The following CEP85L variants were observed in gnomAD, a reference collection of about 807,000 sequenced individuals.
CEP85L encodes the protein centrosomal protein 85L, also known as centrosomal protein of 85 kDa-like.
In CEP85L, 60 loss-of-function variants were observed where a neutral mutation model predicts 100.3. The ratio of observed to expected loss-of-function variants is 0.60; its 90% CI spans 0.49 to 0.74. The LOEUF (loss-of-function observed/expected upper bound fraction) is 0.74, where lower values mean the gene tolerates loss of function less well. CEP85L is among the 30% of genes least tolerant of loss of function. The pLI is 0.00. For synonymous variants in CEP85L, 319 were observed against 322.7 expected (o/e 0.99, Z 0.12); for missense variants, 973 against 936.2 (o/e 1.04, Z -0.51).
intron 1 of CEP85L, among the ~76,000 whole-genome samples, chr6:118,674,075 G>T (rs900595795): frequency 1.3e-5 from 2 of 152,156 alleles, no homozygotes; most frequent in African/African-American, 2.4e-5. Flanking sequence ...GAGAACAGGG[G>T]CATAAATATT....
intron 7 of CEP85L, 149 bp downstream of exon 7, chr6:118,483,557 C>A (rs1360294571): frequency 4.7e-6 from 3 of 644,978 alleles, no homozygotes; most frequent in Non-Finnish European, 8.0e-6. Context: ...TCTACTTATG[C>A]ATGCTTAGAT....
At chr6:118,523,077 T>A (rs1407967098) in intron 4 of CEP85L, among the ~76,000 whole-genome samples, 3 of 152,178 alleles carry the variant, frequency 2.0e-5, no homozygotes, top group East Asian at 3.9e-4. Flanking sequence ...TATGCAAGCA[T>A]ATGAAAATAA....
chr6:118,552,539 T>C (rs1392029501), intron 3 of CEP85L, among the ~76,000 whole-genome samples: 1 of 151,974 alleles, frequency 6.6e-6, no homozygotes, highest in African/African-American at 2.4e-5. Flanking sequence ...TATAGTAGCT[T>C]CCACCAAACA....
At chr6:118,672,161 T>C (rs1410419407) in intron 1 of CEP85L, among the ~76,000 whole-genome samples, 1 of 152,012 alleles carries the variant, frequency 6.6e-6, no homozygotes, top group Admixed American at 6.6e-5. Flanking sequence ...CTCAGCCTCC[T>C]GAGTAGCTGT....
intron 7 of CEP85L, among the ~76,000 whole-genome samples, chr6:118,482,967 G>C (rs1582882407): frequency 6.6e-6 from 1 of 152,138 alleles, no homozygotes; most frequent in East Asian, 1.9e-4. Context: ...TTTGGGTTTG[G>C]GATAAACGAG....
At chr6:118,556,116 G>A (rs1394491156) in intron 3 of CEP85L, among the ~76,000 whole-genome samples, 1 of 152,034 alleles carries the variant, frequency 6.6e-6, no homozygotes, top group Admixed American at 6.6e-5. Context: ...AATATTCATG[G>A]GTGTATGTCT....
intron 2 of CEP85L, among the ~76,000 whole-genome samples, chr6:118,577,466 A>G (rs1269761407): frequency 2.0e-5 from 3 of 152,238 alleles, no homozygotes; most frequent in Non-Finnish European, 4.4e-5. Flanking sequence ...AAGGGGTGCC[A>G]AATGAATTTA....
In CEP85L at chr6:118,465,445, C is replaced by A; in HGVS notation, c.2378G>T (p.Arg793Leu). 6.2e-7 allele frequency: 1 copy of A among 1,613,426 alleles called. No individual in the cohort carries two copies. Among genetic ancestry groups the A allele is most frequent in the South Asian group, 1.1e-5 (1 of 91,054 alleles). ...GTTGTCTCCCATGTCCTGAGCATAG[C>A]GGTCTGATATTGTAGTCCTTAATTC... ...IDELRTTISD[R>L]YAQDMGDNCI... The change falls in exon 13 of 13, where the codon CGC becomes CTC. Residue 793 changes from arginine (R) to leucine (L), a missense_variant. Physicochemically the swap from Arg to Leu is moderately radical, Grantham distance 102. Transcript: ENST00000368491.
chr6:118,469,130 A>C lies in CEP85L; in HGVS notation c.2196T>G (p.Ile732Met), dbSNP rs1772749420. ...CLFDLKALCS[I>M]LNQRAQGKEP... ...CCTTGCCCTGAGCACGCTGATTAAG[A>C]ATACTACACAATGCTTTCAAGTCAA... is the stretch of plus-strand genomic sequence containing the variant. Residue 732 changes from isoleucine to methionine, a missense_variant, in exon 12 of 13, where the codon ATT (isoleucine) becomes ATG (methionine). This residue lies in a region of CEP85L where 890 missense variants were observed against 844.5 expected (regional missense o/e 1.05). Transcript: ENST00000368491. 6.2e-7 allele frequency: 1 copy of C among 1,613,922 alleles called. No individual in the cohort carries two copies. The highest frequency in any genetic ancestry group is 1.1e-5 in the South Asian group (1 of 91,082).
At chr6:118,551,434 T>C (rs903832539) in intron 3 of CEP85L, among the ~76,000 whole-genome samples, 2 of 151,950 alleles carry the variant, frequency 1.3e-5, no homozygotes, top group African/African-American at 4.8e-5. Context: ...CCTCCCCATA[T>C]TCTCTTCCCC....
intron 1 of CEP85L, among the ~76,000 whole-genome samples, chr6:118,640,357 C>T (rs905295200): frequency 3.0e-5 from 4 of 133,718 alleles, no homozygotes; most frequent in Non-Finnish European, 5.0e-5. Context: ...CACTGTGAAA[C>T]CAGGCTACCT....
intron 1 of CEP85L, among the ~76,000 whole-genome samples, chr6:118,676,976 C>T (rs971926752): frequency 4.0e-5 from 6 of 151,892 alleles, no homozygotes; most frequent in Non-Finnish European, 8.8e-5. Flanking sequence ...TCTCTGTTGA[C>T]GATATGTATG....
intron 5 of CEP85L, among the ~76,000 whole-genome samples, chr6:118,509,787 T>G (rs1367698929): frequency 6.6e-6 from 1 of 152,070 alleles, no homozygotes; most frequent in African/African-American, 2.4e-5. Flanking sequence ...AACAGTCTTT[T>G]TCTTTGGGAA....
chr6:118,614,865 C>CAGACAGACAGATAGATAGATAGAT (rs781072805), intron 2 of CEP85L, among the ~76,000 whole-genome samples: 7 of 149,974 alleles, frequency 4.7e-5, no homozygotes, highest in Admixed American at 6.7e-5. Context: ...GACAGACAGA[C>CAGACAGACAGATAGATAGATAGAT]AGATAGATAG....
At chr6:118,688,312 T>G (rs1776907684) in intron 1 of CEP85L, among the ~76,000 whole-genome samples, 1 of 152,214 alleles carries the variant, frequency 6.6e-6, no homozygotes, top group Non-Finnish European at 1.5e-5. Context: ...TCTGTTTTAT[T>G]TTTAACTGAA....
intron 10 of CEP85L, among the ~76,000 whole-genome samples, chr6:118,473,448 C>A (rs1480020080): frequency 6.6e-6 from 1 of 151,822 alleles, no homozygotes; most frequent in Non-Finnish European, 1.5e-5. Context: ...TGAGAAAAAG[C>A]AAGAGAGCCA....
intron 5 of CEP85L, among the ~76,000 whole-genome samples, chr6:118,510,304 T>C (rs1302560161): frequency 4.6e-5 from 7 of 151,994 alleles, no homozygotes; most frequent in Middle Eastern, 3.4e-3. Flanking sequence ...TGAGACAAAA[T>C]TGGAAAATTT....
chr6:118,653,205 CA>C (rs563078957), upstream of CEP85L, among the ~76,000 whole-genome samples: 3 of 151,940 alleles, frequency 2.0e-5, no homozygotes, highest in African/African-American at 7.2e-5. Context: ...CTACTACACA[CA>C]AAAAAAGTAC....
At chr6:118,636,184 T>C (rs1288100059) in intron 1 of CEP85L, among the ~76,000 whole-genome samples, 1 of 152,210 alleles carries the variant, frequency 6.6e-6, no homozygotes, top group African/African-American at 2.4e-5. Flanking sequence ...TGCAGACTCC[T>C]GAGATGTGGT....
Sources: allele counts gnomAD v4.1 joint callset (sites outside exome capture counted in the v4.1 genomes callset), GRCh38; gene constraint gnomAD v4.1.1; regional missense constraint gnomAD v4.1.1; transcripts MANE v1.5; gene names NCBI Gene and HGNC (gene_info 2026-07-23, HGNC 2026-07-21).